The following ZC3H12C variants were observed in gnomAD, a reference collection of about 807,000 sequenced individuals.
ZC3H12C encodes the protein zinc finger CCCH-type containing 12C.
Under a neutral mutation model 76.3 loss-of-function variants are expected in ZC3H12C, and 20 were observed. The ratio of observed to expected loss-of-function variants is 0.26; its 90% CI spans 0.18 to 0.38. ZC3H12C has a LOEUF of 0.38. ZC3H12C is among the 10% of genes least tolerant of loss of function. The pLI is 1.00. For synonymous variants in ZC3H12C, 352 were observed against 399.6 expected (o/e 0.88, Z 1.42); for missense variants, 874 against 1,086.5 (o/e 0.80, Z 2.75).
chr11:110,141,355 C>T (rs990042176), intron 2 of ZC3H12C, among the ~76,000 whole-genome samples: 1 of 152,198 alleles, frequency 6.6e-6, no homozygotes, highest in Non-Finnish European at 1.5e-5. Context: ...TCTGTACAAT[C>T]AGGATTTAAG....
intron 1 of ZC3H12C, among the ~76,000 whole-genome samples, chr11:110,132,303 T>A (rs1861882560): frequency 6.6e-6 from 1 of 152,134 alleles, no homozygotes; most frequent in African/African-American, 2.4e-5. Flanking sequence ...GAAAATTTGG[T>A]CACTCGATGG....
chr11:110,142,691 G>A (rs1007871648), intron 2 of ZC3H12C, among the ~76,000 whole-genome samples: 8 of 152,136 alleles, frequency 5.3e-5, no homozygotes, highest in African/African-American at 1.9e-4. Context: ...TAATTTTGGT[G>A]TTAAATATTT....
chr11:110,137,216 T>A lies in ZC3H12C; in HGVS notation c.575T>A (p.Ile192Asn), dbSNP rs1319454504. 3 of 1,613,956 alleles carry A rather than the reference T, an allele frequency of 1.9e-6. No individual in the cohort carries two copies. The highest frequency in any genetic ancestry group is 2.5e-6 in the Non-Finnish European group (3 of 1,179,862). ...AACAAACTTGGTACTGATGCTTTAA[T>A]CAATGATATTTTGGGAGAACTTGTC... ...VLNKLGTDAL[I>N]NDILGELVKL... Residue 192 changes from isoleucine (I) to asparagine (N), a missense_variant, in exon 2 of 6, where the codon ATC (isoleucine) becomes AAC (asparagine). Physicochemically the swap from Ile to Asn is moderately radical, Grantham distance 149 (BLOSUM62 -3). Around this residue, in one of 3 missense-constraint regions of ZC3H12C, gnomAD observed 210 missense variants for 227.1 expected, o/e 0.92. Coordinates refer to ENST00000278590, the MANE Select transcript of ZC3H12C (RefSeq NM_033390.2).
chr11:110,095,237 C>T (rs1007374869), intron 1 of ZC3H12C, among the ~76,000 whole-genome samples: 4 of 152,176 alleles, frequency 2.6e-5, no homozygotes, highest in African/African-American at 9.7e-5. Flanking sequence ...GGGTTACCAA[C>T]GTCTGCAAAA....
In ZC3H12C at chr11:110,169,706, A is replaced by G. The variant is rs1862642642; in HGVS notation, c.*3969A>G. 6.6e-6 allele frequency: 1 copy of G among 152,256 alleles called. No homozygotes were observed. Among genetic ancestry groups the G allele is most frequent in the Admixed American group, 6.5e-5 (1 of 15,288 alleles). 9.4% of individuals were successfully genotyped at this position (152,256 alleles called of 1,614,324 possible). On this transcript the variant is annotated 3_prime_UTR_variant, in exon 6 of 6. Transcript: ENST00000278590. ...AAAATGAGGTATTAAAAAGAGATGGATTACACACATGCATTAGAATAAGAG... is the reference window on the plus strand; with the variant it reads ...AAAATGAGGTATTAAAAAGAGATGGGTTACACACATGCATTAGAATAAGAG...
intron 3 of ZC3H12C, among the ~76,000 whole-genome samples, 177 bp from the exon 4 acceptor site, chr11:110,159,079 A>G (rs138590265): frequency 9.8e-4 from 149 of 152,348 alleles, no homozygotes; most frequent in African/African-American, 3.3e-3. Context: ...AAATTCCTGA[A>G]GGAAAAATAC....
In ZC3H12C at chr11:110,137,109, T is replaced by C. The variant is rs78240010; in HGVS notation, c.468T>C (p.Pro156=). Residue 156 remains proline (P), a synonymous_variant, in exon 2 of 6, where the codon CCT becomes CCC. Transcript: ENST00000278590. ...CATCCAAGGAAGCAAAGAAACCACC[T>C]GATGTGGTGCGAGAATACCAAACAA... ...QTTSKEAKKP[P]DVVREYQTKL... The C allele has an allele frequency of 2.1e-3, 3,397 of 1,613,866 alleles. 51 individuals carry two copies. The African/African-American group carries it at 0.033, about 16-fold the overall frequency.
At position 110,159,508 on chromosome 11, in the gene ZC3H12C, C is replaced by T; in HGVS notation, c.1148+18C>T. 6.4e-7 allele frequency: 1 copy of T among 1,553,662 alleles called. No individual in the cohort carries two copies. The highest frequency in any genetic ancestry group is 2.3e-5 in the East Asian group (1 of 43,370). ...AATGACAAGTAAGTAAAACCATTTA[C>T]TTGCCAATGATACTGCTTCTGTAAA... On this transcript the variant is annotated intron_variant, in intron 4 of 5. Coordinates refer to ENST00000278590, the MANE Select transcript of ZC3H12C (RefSeq NM_033390.2).
At chr11:110,100,416 C>T (rs1861192578) in intron 1 of ZC3H12C, among the ~76,000 whole-genome samples, 1 of 152,010 alleles carries the variant, frequency 6.6e-6, no homozygotes, top group Admixed American at 6.6e-5. Flanking sequence ...ACAGGCATAC[C>T]TCATTTTATT....
At chr11:110,097,913 A>G (rs1861141681) in intron 1 of ZC3H12C, among the ~76,000 whole-genome samples, 1 of 152,196 alleles carries the variant, frequency 6.6e-6, no homozygotes, top group South Asian at 2.1e-4. Flanking sequence ...AAACAAACCT[A>G]CAGTGCTGCT....
intron 4 of ZC3H12C, among the ~76,000 whole-genome samples, chr11:110,160,266 T>C (rs1862455823): frequency 6.6e-6 from 1 of 152,262 alleles, no homozygotes; most frequent in South Asian, 2.1e-4. Flanking sequence ...GACATTACTA[T>C]AAACCACTAT....
intron 2 of ZC3H12C, among the ~76,000 whole-genome samples, chr11:110,152,415 T>G (rs1431912871): frequency 6.6e-6 from 1 of 152,248 alleles, no homozygotes; most frequent in East Asian, 1.9e-4. Flanking sequence ...TGTTTTACAT[T>G]GGTCACCTGA....
At chr11:110,127,007 G>A (rs974181632) in intron 1 of ZC3H12C, among the ~76,000 whole-genome samples, 6 of 152,062 alleles carry the variant, frequency 3.9e-5, no homozygotes, top group Non-Finnish European at 8.8e-5. Context: ...AAGTTACTTT[G>A]GGTGGATTGT....
chr11:110,113,006 A>C (rs902475361), intron 1 of ZC3H12C, among the ~76,000 whole-genome samples: 2 of 151,464 alleles, frequency 1.3e-5, no homozygotes, highest in Admixed American at 6.6e-5. Context: ...CCCCTACCAA[A>C]AAAAAAGATT....
chr11:110,130,979 T>C, intron 1 of ZC3H12C: 1 of 1,504,678 alleles, frequency 6.6e-7, no homozygotes, highest in East Asian at 2.5e-5. Context: ...GCAAAGACAT[T>C]ACCATTCCAT....
At chr11:110,130,845 T>A (rs1861850837) in intron 1 of ZC3H12C, among the ~76,000 whole-genome samples, 1 of 152,228 alleles carries the variant, frequency 6.6e-6, no homozygotes, top group Non-Finnish European at 1.5e-5. Flanking sequence ...TGACATCAGC[T>A]TGCTTATCTT....
intron 2 of ZC3H12C, among the ~76,000 whole-genome samples, chr11:110,142,891 T>G (rs1489364756): frequency 2.0e-5 from 3 of 152,188 alleles, no homozygotes; most frequent in Non-Finnish European, 4.4e-5. Flanking sequence ...GGTCCTGCCA[T>G]GCCATGGAAT....
intron 1 of ZC3H12C, among the ~76,000 whole-genome samples, chr11:110,130,377 CTCT>C (rs1203136105): frequency 2.0e-5 from 3 of 152,150 alleles, no homozygotes; most frequent in Non-Finnish European, 2.9e-5. Flanking sequence ...TTTTCATCAT[CTCT>C]TCTTTTTGTT....
chr11:110,100,539 G>A (rs1861195085), intron 1 of ZC3H12C, among the ~76,000 whole-genome samples: 1 of 152,180 alleles, frequency 6.6e-6, no homozygotes, highest in South Asian at 2.1e-4. Flanking sequence ...TTTTCCAATA[G>A]CATTTGCTCC....
Sources: gnomAD v4.1 joint callset for allele counts (sites outside exome capture counted in the v4.1 genomes callset) on GRCh38, gnomAD v4.1.1 for gene constraint, gnomAD v4.1.1 regional missense constraint, MANE v1.5 for transcripts, NCBI Gene and HGNC (gene_info 2026-07-23, HGNC 2026-07-21) for gene names.